The following IGF2R variants were observed in gnomAD, a reference collection of about 807,000 sequenced individuals.
IGF2R encodes cation-independent mannose-6-phosphate receptor.
IGF2R carries 91 observed loss-of-function variants against 270.6 expected under a neutral mutation model. The ratio of observed to expected loss-of-function variants is 0.34; its 90% CI spans 0.28 to 0.40. IGF2R has a LOEUF of 0.40. Among genes scored for constraint, IGF2R ranks in the 10% least tolerant of loss-of-function variants. IGF2R has a pLI of 1.00. For synonymous variants in IGF2R, 1,316 were observed against 1,258.9 expected (o/e 1.05, Z -0.96); for missense variants, 2,805 against 3,188.3 (o/e 0.88, Z 2.90).
intron 34 of IGF2R, 107 bp downstream of exon 34, chr6:160,073,576 C>T: frequency 1.5e-6 from 2 of 1,328,188 alleles, no homozygotes; most frequent in Non-Finnish European, 2.1e-6. Context: ...GCTGAACTGT[C>T]CACTCCTGAT....
chr6:160,043,246 A>C lies in IGF2R; in HGVS notation c.1579A>C (p.Lys527Gln), dbSNP rs1434245065. ...TTGTCACAGAGTGCTGCAGGAAGGCAAGGCACGAGGGTGTCCCGAGGACGC... is the reference window on the plus strand; with the variant it reads ...TTGTCACAGAGTGCTGCAGGAAGGCCAGGCACGAGGGTGTCCCGAGGACGC... ...NICHRVLQEG[K>Q]ARGCPEDAAV... The change falls in exon 12 of 48, where the codon AAG becomes CAG. Residue 527 changes from lysine to glutamine, a missense_variant. Lys to Gln is a moderately conservative substitution (Grantham distance 53). Around this residue, in one of 2 missense-constraint regions of IGF2R, gnomAD observed 954 missense variants for 981.1 expected, o/e 0.97. Coordinates refer to ENST00000356956, the MANE Select transcript of IGF2R (RefSeq NM_000876.4). The C allele has an allele frequency of 6.2e-7, 1 of 1,614,248 alleles. No individual in the cohort carries two copies.
chr6:160,052,601 A>G (rs1778223811), intron 19 of IGF2R, among the ~76,000 whole-genome samples: 2 of 152,318 alleles, frequency 1.3e-5, no homozygotes, highest in South Asian at 4.1e-4. Context: ...TTCATATGGA[A>G]CCAAAAAAGA....
chr6:160,041,251 A>AT (rs1777938875), intron 11 of IGF2R, among the ~76,000 whole-genome samples: 1 of 143,130 alleles, frequency 7.0e-6, no homozygotes. Context: ...GGATAATCTG[A>AT]TGGGGGGGAT....
At chr6:159,987,275 A>G (rs1046665165) in intron 1 of IGF2R, among the ~76,000 whole-genome samples, 6 of 152,284 alleles carry the variant, frequency 3.9e-5, no homozygotes, top group Non-Finnish European at 5.9e-5. Context: ...TGATAGTTTA[A>G]CCAGGGTGCA....
intron 9 of IGF2R, among the ~76,000 whole-genome samples, chr6:160,033,593 A>G (rs1777749396): frequency 6.6e-6 from 1 of 152,196 alleles, no homozygotes. Context: ...AAACAATCAA[A>G]TGTTTTTCCT....
chr6:160,044,399 T>C, intron 12 of IGF2R, 115 bp from the exon 13 acceptor site: 2 of 987,554 alleles, frequency 2.0e-6, no homozygotes, highest in Non-Finnish European at 3.0e-6. Context: ...GTGCTGGGTT[T>C]GGGCTGATTT....
rs563241873 is a variant in IGF2R, at chr6:160,107,873, C to A, written c.*2789C>A. On this transcript the variant is annotated 3_prime_UTR_variant, in exon 48 of 48. Coordinates refer to ENST00000356956, the MANE Select transcript of IGF2R (RefSeq NM_000876.4). ...CTTACAGGACAAAGAACTCTTTTTC[C>A]CTGAATCATTTGAGATGAAGTTTCT... is the stretch of plus-strand genomic sequence containing the variant. 8.5e-5 allele frequency: 13 copies of A among 152,230 alleles called. 1 individual carries two copies. In the East Asian group the frequency reaches 2.3e-3, roughly 27 times the overall value. The allele number at this position is 152,230 out of a possible 1,614,324, so 9.4% of individuals were successfully genotyped here. A position where few individuals can be genotyped will look rare whatever the true frequency, so the allele number is the denominator to read the frequency against.
intron 17 of IGF2R, 23 bp from the exon 18 acceptor site, chr6:160,048,352 T>C: frequency 6.2e-7 from 1 of 1,607,244 alleles, no homozygotes; most frequent in Non-Finnish European, 8.5e-7. Context: ...TAAAAGCATA[T>C]ACATTTTGCT....
At chr6:160,056,001 A>G (rs1417740488) in intron 19 of IGF2R, among the ~76,000 whole-genome samples, 2 of 152,284 alleles carry the variant, frequency 1.3e-5, no homozygotes, top group African/African-American at 4.8e-5. Context: ...TCTTCCTGCC[A>G]CTGCTGAGCA....
Position 160,000,660 on chromosome 6 carries a change from T to C in IGF2R, c.290-8350T>C, listed in dbSNP as rs146818123. ...GGAGCCTGGAAATGGGCACATTTAT[T>C]TATACGTTGCTGTAGGAAGACGGTT... On this transcript the variant is annotated intron_variant, in intron 2 of 47. Coordinates refer to ENST00000356956, the MANE Select transcript of IGF2R (RefSeq NM_000876.4). Among the ~76,000 whole-genome samples the C allele has an allele frequency of 5.6e-3, 850 of 152,146 alleles. 4 individuals carry two copies. The highest frequency in any genetic ancestry group is 0.01 in the Admixed American group (154 of 15,286).
intron 10 of IGF2R, among the ~76,000 whole-genome samples, chr6:160,037,266 G>T (rs1777847743): frequency 1.3e-5 from 2 of 152,212 alleles, no homozygotes; most frequent in Admixed American, 6.5e-5. Context: ...GTGTTTTGTG[G>T]GAGGGTTTTG....
chr6:160,035,939 A>T (rs368570420), intron 10 of IGF2R, among the ~76,000 whole-genome samples: 19 of 152,148 alleles, frequency 1.2e-4, no homozygotes, highest in African/African-American at 4.3e-4. Context: ...CACTACATTG[A>T]GGAGCATGCC....
In IGF2R at chr6:160,106,502, TTACTG is replaced by T. The variant is rs1779625080; in HGVS notation, c.*1421_*1425del. On this transcript the variant is annotated 3_prime_UTR_variant, in exon 48 of 48. Transcript: ENST00000356956. The stretch of plus-strand genomic sequence containing the variant: ...CTCTTCATTTTTTTTTCAATCAACT[TTACTG>T]TAATATAAAGTATTCAACAATTTCA... 1 of 152,532 alleles carries T rather than the reference TTACTG, an allele frequency of 6.6e-6. No homozygotes were observed. 9.4% of individuals were successfully genotyped at this position (152,532 alleles called of 1,614,324 possible).
At position 160,047,175 on chromosome 6, in the gene IGF2R, A is replaced by C. The variant is rs1778086526; in HGVS notation, c.2068A>C (p.Asn690His). 2.5e-6 allele frequency: 4 copies of C among 1,614,024 alleles called. No homozygotes were observed. Among genetic ancestry groups the C allele is most frequent in the Non-Finnish European group, 2.5e-6 (3 of 1,179,992 alleles). ...TTATTTCAGTGATGAGAAGACTTGG[A>C]ACTTGGGTCTGAGTAATGCGAAGCT... ...QVAKSDEKTW[N>H]LGLSNAKLSY... The change falls in exon 16 of 48, where the codon AAC (asparagine) becomes CAC (histidine). Residue 690 changes from asparagine (N) to histidine (H), a missense_variant. Physicochemically the swap from Asn to His is moderately conservative, Grantham distance 68. This residue lies in a region of IGF2R where 954 missense variants were observed against 981.1 expected (regional missense o/e 0.97). Coordinates refer to ENST00000356956, the MANE Select transcript of IGF2R (RefSeq NM_000876.4).
At chr6:160,041,412 C>T (rs1777943597) in intron 11 of IGF2R, among the ~76,000 whole-genome samples, 3 of 151,822 alleles carry the variant, frequency 2.0e-5, no homozygotes, top group Admixed American at 6.6e-5. Flanking sequence ...TGTTCTCGCT[C>T]GTAAGTGGGA....
At chr6:160,018,527 C>T (rs1349124245) in intron 4 of IGF2R, among the ~76,000 whole-genome samples, 1 of 152,006 alleles carries the variant, frequency 6.6e-6, no homozygotes, top group African/African-American at 2.4e-5. Flanking sequence ...ATATTCTTCT[C>T]ATCAGTGCAT....
At chr6:160,031,235 A>G (rs1777689675) in intron 7 of IGF2R, among the ~76,000 whole-genome samples, 2 of 152,244 alleles carry the variant, frequency 1.3e-5, no homozygotes, top group Non-Finnish European at 2.9e-5. Context: ...AAGCATTTAC[A>G]TTTGCTCATT....
chr6:160,072,068 G>A (rs765156947), intron 32 of IGF2R, 32 bp downstream of exon 32: 71 of 1,613,054 alleles, frequency 4.4e-5, no homozygotes, highest in African/African-American at 8.0e-5. Flanking sequence ...TAACCCCAGC[G>A]CAGGTGAGAG....
At position 160,050,516 on chromosome 6, in the gene IGF2R, C is replaced by G. The variant is rs1249219676; in HGVS notation, c.2558C>G (p.Ala853Gly). 6.2e-7 allele frequency: 1 copy of G among 1,613,906 alleles called. No homozygotes were observed. ...EVVSISNLGMAKTGPVVEDSG... is the reference protein window; with the variant it reads ...EVVSISNLGMGKTGPVVEDSG... ...GTTTCCATCAGTAACTTGGGAATGGCAAAGACCGGCCCGGTGGTTGAGGAC... is the reference window on the plus strand; with the variant it reads ...GTTTCCATCAGTAACTTGGGAATGGGAAAGACCGGCCCGGTGGTTGAGGAC... Residue 853 changes from alanine (A) to glycine (G), a missense_variant, in exon 19 of 48, where the codon GCA (alanine) becomes GGA (glycine). Transcript: ENST00000356956. The surrounding 1 kb of genome is among the most constrained non-coding windows in gnomAD (Gnocchi z 4.0).
Sources: allele counts gnomAD v4.1 joint callset (sites outside exome capture counted in the v4.1 genomes callset), GRCh38; gene constraint gnomAD v4.1.1; regional missense constraint gnomAD v4.1.1; non-coding constraint Gnocchi (gnomAD v3.1); transcripts MANE v1.5; gene names NCBI Gene and HGNC (gene_info 2026-07-23, HGNC 2026-07-21).